The following KIF15 variants were observed in gnomAD, a reference collection of about 807,000 sequenced individuals.
KIF15 encodes the protein kinesin family member 15.
A neutral mutation model predicts 190.6 loss-of-function variants in KIF15; 140 were observed. The observed-to-expected ratio is 0.73, with a 90% confidence interval of 0.64 to 0.84. The LOEUF is 0.84. Among genes scored for constraint, KIF15 ranks in the 40% least tolerant of loss-of-function variants. KIF15 has a pLI of 0.00. For missense variants in KIF15, 1,372 were observed against 1,584.4 expected, an observed-to-expected ratio of 0.87 and a Z score of 2.28; for synonymous variants, 528 against 551.3, an observed-to-expected ratio of 0.96 and a Z score of 0.59.
chr3:44,791,192 A>T, intron 7 of KIF15, among the ~76,000 whole-genome samples: 1 of 151,016 alleles, frequency 6.6e-6, no homozygotes. Context: ...TTTGTTTTTG[A>T]TCCAGTATGC....
In KIF15 at chr3:44,828,278, A is replaced by C; in HGVS notation, c.2921A>C (p.Glu974Ala). ...LATEKVISSL[E>A]KSRDSDKKVV... ...ACTGAAAAAGTGATCAGTTCCCTGG[A>C]AAAGTCTAGAGATTCTGATAAGGTT... The change falls in exon 24 of 35, where the codon GAA becomes GCA. Residue 974 changes from glutamate to alanine, a missense_variant. By Grantham distance (107) the Glu-to-Ala change is moderately radical (BLOSUM62 -1). Coordinates refer to ENST00000326047, the MANE Select transcript of KIF15 (RefSeq NM_020242.3). The C allele has an allele frequency of 1.2e-6, 2 of 1,612,426 alleles. No homozygotes were observed. Among genetic ancestry groups the C allele is most frequent in the African/African-American group, 2.7e-5 (2 of 75,030 alleles).
chr3:44,852,974 G>A lies in KIF15; in HGVS notation c.*239G>A. On this transcript the variant is annotated 3_prime_UTR_variant, in exon 35 of 35. Transcript: ENST00000326047. ...CTTCAAGGCTTTGAATCAACTTAAGGGAAAACCTTTTGTCTTTGTAAAAAT... is the reference window on the plus strand; with the variant it reads ...CTTCAAGGCTTTGAATCAACTTAAGAGAAAACCTTTTGTCTTTGTAAAAAT... The A allele has an allele frequency of 3.0e-6, 1 of 329,680 alleles. No individual in the cohort carries two copies. The allele number at this position is 329,680 out of a possible 1,614,324, so 20.4% of individuals were successfully genotyped here. A position where few individuals can be genotyped will look rare whatever the true frequency, so the allele number is the denominator to read the frequency against.
chr3:44,809,362 A>G (rs769461721), intron 16 of KIF15, among the ~76,000 whole-genome samples: 3 of 152,070 alleles, frequency 2.0e-5, no homozygotes, highest in Non-Finnish European at 4.4e-5. Flanking sequence ...ATATTCCTCC[A>G]TCATGTTGCT....
At chr3:44,798,301 T>C (rs1457445663) in intron 10 of KIF15, among the ~76,000 whole-genome samples, 4 of 151,904 alleles carry the variant, frequency 2.6e-5, no homozygotes, top group African/African-American at 9.7e-5. Flanking sequence ...TAGCTGGAAC[T>C]ACAGGCATGC....
chr3:44,781,065 G>A, intron 5 of KIF15, 143 bp downstream of exon 5: 1 of 676,750 alleles, frequency 1.5e-6, no homozygotes, highest in Non-Finnish European at 2.6e-6. Context: ...CTGCCAAGTT[G>A]TGAGTTCTTT....
chr3:44,809,063 C>T (rs1325748657), intron 16 of KIF15, among the ~76,000 whole-genome samples: 1 of 152,178 alleles, frequency 6.6e-6, no homozygotes, highest in African/African-American at 2.4e-5. Flanking sequence ...AAGCTCCCTC[C>T]TAGTGCCCTG....
intron 6 of KIF15, chr3:44,861,940 G>A: frequency 7.0e-7 from 1 of 1,421,840 alleles, no homozygotes; most frequent in Non-Finnish European, 9.2e-7. Context: ...CGAGAGGCCG[G>A]GGCCTCCGGG....
rs762621373 is a variant in KIF15, at chr3:44,830,979, A to G, written c.3132A>G (p.Lys1044=). Residue 1044 remains lysine (K), a synonymous_variant, in exon 26 of 35, where the codon AAA becomes AAG. Transcript: ENST00000326047. ...AGGAAGTGGATATTCTGGATCTGAAAGAAACCCTTAGGCTGAGAATACTTT... is the reference window on the plus strand; with the variant it reads ...AGGAAGTGGATATTCTGGATCTGAAGGAAACCCTTAGGCTGAGAATACTTT... The part of the protein sequence containing the change: ...KKQEVDILDL[K]ETLRLRILSE... 2 of 1,614,120 alleles carry G rather than the reference A, an allele frequency of 1.2e-6. No individual in the cohort carries two copies. The highest frequency in any genetic ancestry group is 1.7e-6 in the Non-Finnish European group (2 of 1,179,994).
Position 44,861,909 on chromosome 3 carries a change from G to C in KIF15, c.*59+9115G>C, listed in dbSNP as rs532676788. 9 of 1,482,568 alleles carry C rather than the reference G, an allele frequency of 6.1e-6. No individual in the cohort carries two copies. In the South Asian group the frequency reaches 7.6e-5, roughly 12 times the overall value. 91.8% of individuals were successfully genotyped at this position (1,482,568 alleles called of 1,614,324 possible). A position where few individuals can be genotyped will look rare whatever the true frequency, so the allele number is the denominator to read the frequency against. On this transcript the variant is annotated intron_variant and NMD_transcript_variant, in intron 6 of 6. Coordinates refer to the KIF15 transcript ENST00000422209. The stretch of plus-strand genomic sequence containing the variant: ...CCTGCGGGCAGCGGGTGCCAGGCAC[G>C]GTGTCAGCAGGCAACATGGCCGAGA...
intron 16 of KIF15, among the ~76,000 whole-genome samples, chr3:44,806,684 T>C (rs1575618976): frequency 4.6e-5 from 7 of 152,170 alleles, no homozygotes; most frequent in Admixed American, 6.5e-5. Context: ...GTTTGGGAGG[T>C]TGAGGCAAGA....
intron 7 of KIF15, among the ~76,000 whole-genome samples, chr3:44,789,808 T>G (rs978296272): frequency 7.3e-5 from 11 of 151,682 alleles, no homozygotes; most frequent in African/African-American, 2.7e-4. Context: ...TACTACAGGC[T>G]AATTGATACA....
chr3:44,863,879 T>G, intron 6 of KIF15: 2 of 345,698 alleles, frequency 5.8e-6, no homozygotes, highest in Non-Finnish European at 1.1e-5. Flanking sequence ...GCACTGGTCA[T>G]TGTGGGACCA....
intron 6 of KIF15, chr3:44,863,965 C>A: frequency 1.9e-6 from 1 of 535,074 alleles, no homozygotes; most frequent in Non-Finnish European, 3.3e-6. Context: ...ATATGGCCAG[C>A]AAGGTGGCCA....
At chr3:44,789,684 AT>A (rs1706588584) in intron 7 of KIF15, among the ~76,000 whole-genome samples, 2 of 72,718 alleles carry the variant, frequency 2.8e-5, no homozygotes, top group African/African-American at 9.5e-5. Context: ...ATATATATAT[AT>A]ATATATAAAA....
At chr3:44,796,130 T>A (rs1706966519) in intron 8 of KIF15, among the ~76,000 whole-genome samples, 1 of 152,212 alleles carries the variant, frequency 6.6e-6, no homozygotes, top group Admixed American at 6.5e-5. Flanking sequence ...CCCAAAGTGT[T>A]GGGATTACAG....
Position 44,797,581 on chromosome 3 carries a change from T to C in KIF15, c.880T>C (p.Cys294Arg). 2.5e-6 allele frequency: 4 copies of C among 1,614,132 alleles called. No individual in the cohort carries two copies. The highest frequency in any genetic ancestry group is 3.4e-6 in the Non-Finnish European group (4 of 1,179,992). The change falls in exon 9 of 35, where the codon TGC (cysteine) becomes CGC (arginine). Residue 294 changes from cysteine to arginine, a missense_variant. Transcript: ENST00000326047. ...EAGNINRSLS[C>R]LGQVITALVD... is the part of the protein sequence containing the mutation. ...AGGTAACATAAATCGATCATTGAGCTGCCTGGGCCAAGTGATTACAGCACT... is the reference window on the plus strand; with the variant it reads ...AGGTAACATAAATCGATCATTGAGCCGCCTGGGCCAAGTGATTACAGCACT...
At chr3:44,837,292 C>A (rs1698368336) in intron 26 of KIF15, among the ~76,000 whole-genome samples, 1 of 152,120 alleles carries the variant, frequency 6.6e-6, no homozygotes, top group Non-Finnish European at 1.5e-5. Flanking sequence ...GGGAGGTAGT[C>A]TGGTAATACA....
intron 11 of KIF15, among the ~76,000 whole-genome samples, chr3:44,801,214 G>GC (rs1018037254): frequency 6.6e-6 from 1 of 150,582 alleles, no homozygotes; most frequent in Non-Finnish European, 1.5e-5. Context: ...GCGGCGGGAG[G>GC]GGGGGGTCTC....
At chr3:44,783,751 A>T (rs1299108149) in intron 5 of KIF15, among the ~76,000 whole-genome samples, 1 of 152,224 alleles carries the variant, frequency 6.6e-6, no homozygotes, top group Non-Finnish European at 1.5e-5. Context: ...AAGGCCTTCT[A>T]CCAAAGACAA....
Sources: gnomAD v4.1 joint callset for allele counts (sites outside exome capture counted in the v4.1 genomes callset) on GRCh38, gnomAD v4.1.1 for gene constraint, MANE v1.5 for transcripts, NCBI Gene and HGNC (gene_info 2026-07-23, HGNC 2026-07-21) for gene names.